Variants in CPLANE1 observed in about 807,000 individuals in gnomAD.
The protein encoded by CPLANE1 is ciliogenesis and planar polarity effector complex subunit 1, also known as ciliogenesis and planar polarity effector 1.
In CPLANE1, 263 loss-of-function variants were observed where a neutral mutation model predicts 362.5. The ratio of observed to expected loss-of-function variants is 0.73; its 90% confidence interval spans 0.66 to 0.80. CPLANE1 has a LOEUF of 0.80. CPLANE1 is among the 30% of genes least tolerant of loss of function. CPLANE1 has a pLI of 0.00. For synonymous variants in CPLANE1, 1,212 were observed against 1,302.6 expected (o/e 0.93, Z 1.50); for missense variants, 3,461 against 3,793.4 (o/e 0.91, Z 2.30).
At chr5:37,117,681 G>T (rs181134401) in intron 50 of CPLANE1, among the ~76,000 whole-genome samples, 1 of 152,282 alleles carries the variant, frequency 6.6e-6, no homozygotes, top group Non-Finnish European at 1.5e-5. Context: ...ACACACAGAT[G>T]ATGCCTTGAA....
chr5:37,181,630 C>T (rs1340886166), intron 26 of CPLANE1, among the ~76,000 whole-genome samples: 1 of 152,016 alleles, frequency 6.6e-6, no homozygotes, highest in Non-Finnish European at 1.5e-5. Context: ...GCTTGGGTAA[C>T]AAAGGGAAAC....
In CPLANE1 at chr5:37,107,057, C is replaced by G. The variant is rs940762448; in HGVS notation, c.*545G>C. 1.0e-6 allele frequency: 1 copy of G among 985,388 alleles called. No homozygotes were observed. Among genetic ancestry groups the G allele is most frequent in the Non-Finnish European group, 1.2e-6 (1 of 829,918 alleles). The allele number at this position is 985,388 out of a possible 1,614,324, so 61.0% of individuals were successfully genotyped here. A position where few individuals can be genotyped will look rare whatever the true frequency, so the allele number is the denominator to read the frequency against. The stretch of plus-strand genomic sequence containing the variant: ...GGGCAGAAGACAGAAGATCTCCTGG[C>G]CTCCATGAAACTTTGCTTATTTAGA... On this transcript the variant is annotated 3_prime_UTR_variant, in exon 53 of 53. Coordinates refer to ENST00000651892, the MANE Select transcript of CPLANE1 (RefSeq NM_001384732.1).
intron 1 of CPLANE1, 114 bp from the exon 2 acceptor site, chr5:37,247,859 A>C: frequency 7.1e-6 from 5 of 708,672 alleles, no homozygotes; most frequent in Non-Finnish European, 1.1e-5. Flanking sequence ...GTGCAGTGAT[A>C]TGATCTCAGC....
Position 37,174,896 on chromosome 5 carries a change from C to T in CPLANE1, c.5979-949G>A, listed in dbSNP as rs186475474. 3.5e-3 allele frequency among the ~76,000 whole-genome samples: 526 copies of T among 152,326 alleles called. 2 individuals carry two copies. Among genetic ancestry groups the T allele is most frequent in the African/African-American group, 0.012 (503 of 41,584 alleles). On this transcript the variant is annotated intron_variant, in intron 31 of 52. Coordinates refer to ENST00000651892, the MANE Select transcript of CPLANE1 (RefSeq NM_001384732.1). ...GCCAAAGTGAAAGCTTTGAGTGTTG[C>T]TCCTTGAGAATCATGTTTCTCACAG...
intron 16 of CPLANE1, chr5:37,212,507 AAAG>A: frequency 6.8e-6 from 4 of 592,188 alleles, no homozygotes; most frequent in East Asian, 3.2e-5. Flanking sequence ...AAAAAAAAAA[AAAG>A]AAAGAAACTA....
At chr5:37,177,994 T>C (rs1319635099) in intron 29 of CPLANE1, among the ~76,000 whole-genome samples, 1 of 152,214 alleles carries the variant, frequency 6.6e-6, no homozygotes, top group Non-Finnish European at 1.5e-5. Context: ...ATATGATTAT[T>C]CATTTCCCTG....
At chr5:37,185,157 C>T in intron 24 of CPLANE1, 78 bp from the exon 25 acceptor site, 2 of 1,344,300 alleles carry the variant, frequency 1.5e-6, no homozygotes, top group Non-Finnish European at 2.0e-6. Context: ...AACTCTGGTC[C>T]CTCCTGGGGA....
chr5:37,086,570 C>T, the CPLANE1 span, among the ~76,000 whole-genome samples: 1 of 152,196 alleles, frequency 6.6e-6, no homozygotes, highest in Non-Finnish European at 1.5e-5. Context: ...AGCTTGTTTA[C>T]TCATGTGGTT....
intron 50 of CPLANE1, 45 bp from the exon 51 acceptor site, chr5:37,115,094 G>T: frequency 8.4e-7 from 1 of 1,192,584 alleles, no homozygotes; most frequent in Non-Finnish European, 1.2e-6. Flanking sequence ...AGACATCCAT[G>T]ATTTTTATAT....
chr5:37,115,646 CA>C (rs1268343817), intron 50 of CPLANE1, among the ~76,000 whole-genome samples: 1 of 144,428 alleles, frequency 6.9e-6, no homozygotes, highest in African/African-American at 2.6e-5. Flanking sequence ...CACCAGGCTG[CA>C]GTACAGTGGC....
rs1791959235 is a variant in CPLANE1, at chr5:37,209,445, A to C, written c.2921-3020T>G. ...GCGCAAAAAGCTATACCAGACATTT[A>C]AGGATCGGGGTATACTGGAAACACT... On this transcript the variant is annotated intron_variant, in intron 16 of 52. Coordinates refer to ENST00000651892, the MANE Select transcript of CPLANE1 (RefSeq NM_001384732.1). The surrounding 1 kb of genome is among the most constrained non-coding windows in gnomAD (Gnocchi z 4.6). 2 of 1,310,628 alleles carry C rather than the reference A, an allele frequency of 1.5e-6. No individual in the cohort carries two copies. Among genetic ancestry groups the C allele is most frequent in the African/African-American group, 1.4e-5 (1 of 69,084 alleles). 81.2% of individuals were successfully genotyped at this position (1,310,628 alleles called of 1,614,324 possible).
At chr5:37,242,906 G>T in intron 6 of CPLANE1, 107 bp downstream of exon 6, 2 of 685,466 alleles carry the variant, frequency 2.9e-6, no homozygotes, top group South Asian at 1.9e-5. Context: ...TCAGGAGGCT[G>T]AGCTATGATT....
intron 27 of CPLANE1, 124 bp from the exon 28 acceptor site, chr5:37,180,307 G>A (rs531235494): frequency 7.4e-5 from 32 of 430,590 alleles, no homozygotes; most frequent in Middle Eastern, 5.8e-4. Context: ...GTGCAATGGC[G>A]CAATCTCGGC....
the CPLANE1 span, among the ~76,000 whole-genome samples, chr5:37,084,761 ACT>A: frequency 6.6e-6 from 1 of 151,284 alleles, no homozygotes; most frequent in Non-Finnish European, 1.5e-5. Flanking sequence ...ACAGAGCGAG[ACT>A]CTGTCTTTAA....
rs143919991 is a variant in CPLANE1 at position 37,118,094 on chromosome 5, A to G, written c.9310+2122T>C. ...AGTATTTTCTTACTGTAATTTGTCA[A>G]TCAAAAAAGCCAAGAGCTGGTCAGG... On this transcript the variant is annotated intron_variant, in intron 50 of 52. Coordinates refer to ENST00000651892, the MANE Select transcript of CPLANE1 (RefSeq NM_001384732.1). Among the ~76,000 whole-genome samples the G allele has an allele frequency of 3.5e-4, 53 of 152,258 alleles. No individual in the cohort carries two copies. The East Asian group carries it at 6.2e-3, about 18-fold the overall frequency.
chr5:37,212,936 G>A (rs1005898512), intron 16 of CPLANE1, among the ~76,000 whole-genome samples: 4 of 152,304 alleles, frequency 2.6e-5, no homozygotes, highest in East Asian at 1.9e-4. Context: ...TCATTTGGCC[G>A]GGCACGTGGC....
chr5:37,089,421 A>T, the CPLANE1 span, among the ~76,000 whole-genome samples: 7 of 152,074 alleles, frequency 4.6e-5, no homozygotes, highest in Non-Finnish European at 1.0e-4. Flanking sequence ...CCTACCCCTG[A>T]TGTGGCTCTC....
At chr5:37,215,563 C>A (rs1287016569) in intron 15 of CPLANE1, among the ~76,000 whole-genome samples, 1 of 151,976 alleles carries the variant, frequency 6.6e-6, no homozygotes, top group Non-Finnish European at 1.5e-5. Flanking sequence ...TGCTCCTAAC[C>A]CCTGTGATGT....
At chr5:37,223,445 G>A (rs778679123) in intron 14 of CPLANE1, among the ~76,000 whole-genome samples, 2 of 152,176 alleles carry the variant, frequency 1.3e-5, no homozygotes, top group Non-Finnish European at 2.9e-5. Flanking sequence ...ATACAGTGCT[G>A]GGCACATAGC....
Sources: allele counts gnomAD v4.1 joint callset (sites outside exome capture counted in the v4.1 genomes callset), GRCh38; gene constraint gnomAD v4.1.1; non-coding constraint Gnocchi (gnomAD v3.1); transcripts MANE v1.5; gene names NCBI Gene and HGNC (gene_info 2026-07-23, HGNC 2026-07-21).